The following MAJIN variants were observed in gnomAD, a reference collection of about 807,000 sequenced individuals.
MAJIN encodes membrane anchored junction protein, also known as membrane-anchored junction protein.
In MAJIN, 27 loss-of-function variants were observed where a neutral mutation model predicts 30.2. That is an observed-to-expected ratio of 0.89 (90% confidence interval 0.66 to 1.23). The LOEUF is 1.23. Ranked by LOEUF, MAJIN falls within the 50% of genes most tolerant of loss-of-function variation. The probability of loss-of-function intolerance (pLI) is 0.00; values close to 1 mark genes in which losing one functional copy is unlikely to be tolerated. For synonymous variants in MAJIN, 78 were observed against 91.6 expected (o/e 0.85, Z 0.85); for missense variants, 253 against 260.3 (o/e 0.97, Z 0.19).
intron 6 of MAJIN, among the ~76,000 whole-genome samples, chr11:64,948,329 G>C (rs1185498270): frequency 6.6e-6 from 1 of 151,886 alleles, no homozygotes; most frequent in Non-Finnish European, 1.5e-5. Context: ...GGTTTGAAAA[G>C]GGAGGGGACG....
chr11:64,947,899 A>T (rs1190556565), intron 6 of MAJIN, 80 bp from the exon 7 acceptor site: 24 of 1,331,774 alleles, frequency 1.8e-5, no homozygotes, highest in Admixed American at 3.9e-5. Flanking sequence ...TCTCTCTGTC[A>T]CCCAGACTGG....
intron 1 of MAJIN, among the ~76,000 whole-genome samples, chr11:64,971,451 CGGA>C (rs1415104705): frequency 4.4e-5 from 6 of 137,430 alleles, no homozygotes; most frequent in African/African-American, 1.4e-4. Flanking sequence ...AAAAAAAGGA[CGGA>C]GGAAGTTGCG....
At chr11:64,951,087 T>A (rs1462415241) in intron 4 of MAJIN, among the ~76,000 whole-genome samples, 1 of 152,206 alleles carries the variant, frequency 6.6e-6, no homozygotes, top group Non-Finnish European at 1.5e-5. Context: ...TTTACTACAT[T>A]CCACATACAA....
intron 3 of MAJIN, among the ~76,000 whole-genome samples, chr11:64,959,015 G>T (rs1945680666): frequency 6.6e-6 from 1 of 151,716 alleles, no homozygotes; most frequent in South Asian, 2.1e-4. Flanking sequence ...CAACACTTGG[G>T]GAGGCAGAGG....
rs1251174882 is a variant in MAJIN, at chr11:64,939,943, A to C, written c.547-176T>G. The stretch of plus-strand genomic sequence containing the variant: ...TTTCATCTCAGCTCAGTAAGATGCT[A>C]TTCTGACCTCAGAGTATTTTCAGTC... On this transcript the variant is annotated intron_variant, in intron 9 of 10. Transcript: ENST00000301896. The C allele has an allele frequency of 5.7e-6, 3 of 530,744 alleles. No individual in the cohort carries two copies. The African/African-American group carries it at 5.8e-5, about 10-fold the overall frequency. 32.9% of individuals were successfully genotyped at this position (530,744 alleles called of 1,614,324 possible).
intron 3 of MAJIN, among the ~76,000 whole-genome samples, chr11:64,956,488 TCAAAA>T (rs1315234013): frequency 4.0e-5 from 6 of 151,792 alleles, no homozygotes; most frequent in Non-Finnish European, 8.8e-5. Flanking sequence ...AAACACGGTC[TCAAAA>T]CAAAACAAAA....
At chr11:64,968,957 T>C (rs1309470523) in intron 1 of MAJIN, among the ~76,000 whole-genome samples, 1 of 152,138 alleles carries the variant, frequency 6.6e-6, no homozygotes, top group East Asian at 1.9e-4. Context: ...AAGAAGCTTC[T>C]GTAGTCGTCC....
chr11:64,942,587 A>C (rs1232571899), intron 8 of MAJIN, among the ~76,000 whole-genome samples: 1 of 152,162 alleles, frequency 6.6e-6, no homozygotes, highest in Non-Finnish European at 1.5e-5. Flanking sequence ...GTCTCTAGAA[A>C]AGCTAGGACT....
At chr11:64,941,629 C>G (rs968182344) in intron 8 of MAJIN, among the ~76,000 whole-genome samples, 1 of 151,870 alleles carries the variant, frequency 6.6e-6, no homozygotes, top group Non-Finnish European at 1.5e-5. Flanking sequence ...CAGCCTGGGG[C>G]GAGAGAGTGA....
At chr11:64,946,296 A>C (rs942679734) in intron 8 of MAJIN, 58 of 874,744 alleles carry the variant, frequency 6.6e-5, no homozygotes, top group Non-Finnish European at 9.1e-5. Flanking sequence ...TGGGTGGCCA[A>C]ATTTTCTTTG....
intron 4 of MAJIN, among the ~76,000 whole-genome samples, chr11:64,952,094 G>C (rs1945561481): frequency 6.6e-6 from 1 of 152,078 alleles, no homozygotes; most frequent in Non-Finnish European, 1.5e-5. Flanking sequence ...TCGCCATGTT[G>C]TCCAGGCAGG....
chr11:64,957,792 G>C (rs889092096), intron 3 of MAJIN, among the ~76,000 whole-genome samples: 32 of 152,214 alleles, frequency 2.1e-4, no homozygotes, highest in African/African-American at 7.2e-4. Context: ...CACCTCCCGG[G>C]TTCAAGCGAT....
At chr11:64,951,107 A>G (rs1367407434) in intron 4 of MAJIN, among the ~76,000 whole-genome samples, 2 of 152,204 alleles carry the variant, frequency 1.3e-5, no homozygotes, top group African/African-American at 4.8e-5. Context: ...AATGTTTTAT[A>G]TTCCTTACTG....
At chr11:64,954,859 T>A (rs1945607832) in intron 3 of MAJIN, 57 bp from the exon 4 acceptor site, 13 of 1,458,338 alleles carry the variant, frequency 8.9e-6, no homozygotes, top group Non-Finnish European at 1.2e-5. Flanking sequence ...CTGGAGAGAG[T>A]AGACTCTACT....
chr11:64,948,481 G>A (rs1270812112), intron 6 of MAJIN, among the ~76,000 whole-genome samples: 1 of 148,894 alleles, frequency 6.7e-6, no homozygotes, highest in South Asian at 2.1e-4. Flanking sequence ...CCAGGCAGAA[G>A]TGCAGTGGTG....
intron 6 of MAJIN, among the ~76,000 whole-genome samples, chr11:64,948,895 C>A (rs1391168997): frequency 1.4e-5 from 2 of 147,708 alleles, no homozygotes; most frequent in Non-Finnish European, 3.0e-5. Context: ...CTCAAGTGAT[C>A]CTCTTGCCTC....
Position 64,959,423 on chromosome 11 carries a change from C to T in MAJIN, c.-17-1G>A. ...AAACTCATTGCTCCCAAACGATAGC[C>T]TAAATAAAATAGAAAGAGAATTACT... On this transcript the variant is annotated splice_acceptor_variant, in intron 2 of 10. Coordinates refer to ENST00000301896, the MANE Select transcript of MAJIN (RefSeq NM_001037225.3). LOFTEE classifies it low-confidence loss of function (5UTR_SPLICE). The T allele has an allele frequency of 1.3e-6, 2 of 1,596,214 alleles. No homozygotes were observed. Among genetic ancestry groups the T allele is most frequent in the Middle Eastern group, 3.3e-4 (2 of 6,028 alleles).
intron 1 of MAJIN, among the ~76,000 whole-genome samples, chr11:64,963,045 T>C (rs1390211231): frequency 6.6e-6 from 1 of 152,106 alleles, no homozygotes; most frequent in Non-Finnish European, 1.5e-5. Context: ...GAAAATTGCT[T>C]GAACCCAGGT....
rs1378438866 is a variant in MAJIN at position 64,950,441 on chromosome 11, T to A, written c.148-11A>T. On this transcript the variant is annotated splice_polypyrimidine_tract_variant and intron_variant, in intron 4 of 10. Transcript: ENST00000301896. The stretch of plus-strand genomic sequence containing the variant: ...CACGCGGACAGAATCCTGAAAAACA[T>A]ATTTGAAATGACTTTAACACTGTTG... 1.9e-6 allele frequency: 3 copies of A among 1,610,282 alleles called. No homozygotes were observed. Among genetic ancestry groups the A allele is most frequent in the Non-Finnish European group, 2.5e-6 (3 of 1,177,228 alleles).
Sources: gnomAD v4.1 joint callset for allele counts (sites outside exome capture counted in the v4.1 genomes callset) on GRCh38, gnomAD v4.1.1 for gene constraint, MANE v1.5 for transcripts, NCBI Gene and HGNC (gene_info 2026-07-23, HGNC 2026-07-21) for gene names.